LINGO2: variants seen among roughly 807,000 people sequenced by gnomAD.
LINGO2 encodes leucine-rich repeat and immunoglobulin-like domain-containing nogo receptor-interacting protein 2.
In LINGO2, 14 loss-of-function variants were observed where a neutral mutation model predicts 30.6. The ratio of observed to expected loss-of-function variants is 0.46; its 90% CI spans 0.30 to 0.72. The LOEUF (loss-of-function observed/expected upper bound fraction) is 0.72, where lower values mean the gene tolerates loss of function less well. Among genes scored for constraint, LINGO2 ranks in the 30% least tolerant of loss-of-function variants. LINGO2 has a pLI of 0.07. For synonymous variants in LINGO2, 317 were observed against 288.5 expected (o/e 1.10, Z -1.00); for missense variants, 729 against 751.7 (o/e 0.97, Z 0.35).
the LINGO2 span, among the ~76,000 whole-genome samples, chr9:28,759,696 A>G: frequency 7.1e-4 from 108 of 152,000 alleles, 7 homozygotes; most frequent in East Asian, 2.7e-3. Flanking sequence ...AGAAAAAAAA[A>G]AAAGAAAGAA....
In LINGO2 at chr9:28,344,709, C is replaced by A. The variant is rs542802227; in HGVS notation, c.-246+28127G>T. 2.0e-5 allele frequency among the ~76,000 whole-genome samples: 3 copies of A among 149,778 alleles called. No individual in the cohort carries two copies. In the South Asian group the frequency reaches 6.3e-4, roughly 31 times the overall value. ...AAGCGGCACTAGTAAAAAATATCCA[C>A]TCTCAAAAAGAAAAATATTTGTTTG... On this transcript the variant is annotated intron_variant, in intron 3 of 5. Transcript: ENST00000379992.
the LINGO2 span, among the ~76,000 whole-genome samples, chr9:28,811,623 T>C: frequency 1.4e-4 from 22 of 152,266 alleles, no homozygotes; most frequent in Non-Finnish European, 2.8e-4. Context: ...AACCAAACTA[T>C]ACTAATTTCT....
chr9:27,972,002 T>A (rs1342991359), intron 5 of LINGO2, among the ~76,000 whole-genome samples: 1 of 152,206 alleles, frequency 6.6e-6, no homozygotes, highest in Non-Finnish European at 1.5e-5. Context: ...CTTCTGTTAG[T>A]GCTCATGTTT....
At chr9:28,051,848 TAC>T (rs1263597392) in intron 4 of LINGO2, among the ~76,000 whole-genome samples, 2 of 152,064 alleles carry the variant, frequency 1.3e-5, no homozygotes, top group Non-Finnish European at 1.5e-5. Context: ...AAAAACAGGA[TAC>T]AGTCTGTCCA....
chr9:28,192,187 T>G (rs1361013457), intron 4 of LINGO2, among the ~76,000 whole-genome samples: 1 of 152,088 alleles, frequency 6.6e-6, no homozygotes, highest in Admixed American at 6.6e-5. Context: ...GCATCATCTC[T>G]CAAATGTGTA....
chr9:28,343,745 C>A (rs1249264127), intron 3 of LINGO2, among the ~76,000 whole-genome samples: 4 of 152,108 alleles, frequency 2.6e-5, no homozygotes, highest in African/African-American at 7.2e-5. Context: ...TTTGGGCCCA[C>A]CTCTTCTCAC....
chr9:28,842,744 G>T, the LINGO2 span, among the ~76,000 whole-genome samples: 3 of 151,726 alleles, frequency 2.0e-5, no homozygotes, highest in South Asian at 6.2e-4. Context: ...ATACTTATTT[G>T]TGGTTCCCAT....
chr9:28,674,283 A>G (rs73644099), upstream of LINGO2, among the ~76,000 whole-genome samples: 3,835 of 152,256 alleles, frequency 0.025, 166 homozygotes, highest in African/African-American at 0.085. Context: ...ATCTTTAAGG[A>G]TAAACAATAC....
At chr9:28,896,327 C>T in the LINGO2 span, among the ~76,000 whole-genome samples, 2 of 152,068 alleles carry the variant, frequency 1.3e-5, no homozygotes, top group African/African-American at 4.8e-5. Flanking sequence ...AATTTGTACC[C>T]ATTTGGTACA....
At chr9:28,915,266 T>C in the LINGO2 span, among the ~76,000 whole-genome samples, 1 of 152,224 alleles carries the variant, frequency 6.6e-6, no homozygotes, top group Admixed American at 6.5e-5. Flanking sequence ...TCTTCTATTA[T>C]GAAATCATCT....
chr9:28,567,297 T>TA (rs1823430536), intron 1 of LINGO2, among the ~76,000 whole-genome samples: 2 of 152,090 alleles, frequency 1.3e-5, no homozygotes, highest in South Asian at 4.1e-4. Flanking sequence ...ATTGGCTATT[T>TA]ACCCAAAGGA....
intron 1 of LINGO2, among the ~76,000 whole-genome samples, chr9:28,543,576 A>G (rs1266849326): frequency 6.6e-6 from 1 of 152,104 alleles, no homozygotes; most frequent in African/African-American, 2.4e-5. Flanking sequence ...GCCCAGAAAC[A>G]GTGACAAAAA....
intron 4 of LINGO2, among the ~76,000 whole-genome samples, chr9:28,221,252 A>C (rs1415039308): frequency 7.6e-6 from 1 of 131,804 alleles, no homozygotes; most frequent in African/African-American, 2.8e-5. Flanking sequence ...GTGAGCGGAG[A>C]TGGCGCCACT....
intron 2 of LINGO2, among the ~76,000 whole-genome samples, chr9:28,383,770 A>G (rs879575818): frequency 6.6e-6 from 1 of 152,108 alleles, no homozygotes; most frequent in Non-Finnish European, 1.5e-5. Flanking sequence ...GAGTTAGTCG[A>G]CCATGTAATA....
At chr9:29,063,195 A>G in the LINGO2 span, among the ~76,000 whole-genome samples, 1 of 152,180 alleles carries the variant, frequency 6.6e-6, no homozygotes, top group East Asian at 1.9e-4. Context: ...ACCTGTGAAC[A>G]TGAAACTATC....
the LINGO2 span, among the ~76,000 whole-genome samples, chr9:28,777,353 A>G: frequency 6.6e-6 from 1 of 152,192 alleles, no homozygotes; most frequent in African/African-American, 2.4e-5. Context: ...AACTGAAGAA[A>G]AGTAGGCAGG....
chr9:28,068,787 G>A (rs1412682416), intron 4 of LINGO2, among the ~76,000 whole-genome samples: 4 of 152,064 alleles, frequency 2.6e-5, no homozygotes, highest in Non-Finnish European at 5.9e-5. Flanking sequence ...TGGAGCTTTT[G>A]AGTTCAAATC....
At chr9:28,422,748 T>G (rs1425717935) in intron 2 of LINGO2, among the ~76,000 whole-genome samples, 4 of 152,076 alleles carry the variant, frequency 2.6e-5, no homozygotes, top group Non-Finnish European at 5.9e-5. Flanking sequence ...TTATTTACAA[T>G]AGCCAAAAGA....
At chr9:28,638,279 T>G (rs1035805902) in intron 1 of LINGO2, among the ~76,000 whole-genome samples, 1 of 152,202 alleles carries the variant, frequency 6.6e-6, no homozygotes, top group African/African-American at 2.4e-5. Flanking sequence ...TCTAAAATTC[T>G]CTTTTTTTGT....
Sources: gnomAD v4.1 joint callset for allele counts (sites outside exome capture counted in the v4.1 genomes callset) on GRCh38, gnomAD v4.1.1 for gene constraint, MANE v1.5 for transcripts, NCBI Gene and HGNC (gene_info 2026-07-23, HGNC 2026-07-21) for gene names.